The following SLC39A10 variants were observed in gnomAD, a reference collection of about 807,000 sequenced individuals.
The protein encoded by SLC39A10 is solute carrier family 39 member 10.
A neutral mutation model predicts 65.1 loss-of-function variants in SLC39A10; 13 were observed. That is an observed-to-expected ratio of 0.20 (90% CI 0.13 to 0.32). The LOEUF (loss-of-function observed/expected upper bound fraction) is 0.32. Among genes scored for constraint, SLC39A10 ranks in the 10% least tolerant of loss-of-function variants. The pLI is 1.00. For synonymous variants in SLC39A10, 321 were observed against 342.2 expected (o/e 0.94, Z 0.68); for missense variants, 831 against 1,018.4 (o/e 0.82, Z 2.50).
At chr2:195,659,914 T>A (rs6719584) in intron 1 of SLC39A10, among the ~76,000 whole-genome samples, 9,728 of 152,098 alleles carry the variant, frequency 0.064, 458 homozygotes, top group African/African-American at 0.13. Flanking sequence ...ACTGGGCCTT[T>A]GGGGGGGATA....
intron 1 of SLC39A10, among the ~76,000 whole-genome samples, chr2:195,678,717 C>T (rs1045929382): frequency 2.6e-5 from 4 of 151,816 alleles, no homozygotes; most frequent in East Asian, 1.9e-4. Flanking sequence ...AGTAGCCACA[C>T]GTCTGTTGAG....
At chr2:195,625,188 G>T (rs114745436) in intron 2 of SLC39A10, among the ~76,000 whole-genome samples, 2,262 of 144,418 alleles carry the variant, frequency 0.016, 68 homozygotes, top group African/African-American at 0.055. Flanking sequence ...TTGCACTCCA[G>T]CCTGTGCGAC....
chr2:195,643,338 G>C (rs1023541594), intron 2 of SLC39A10, among the ~76,000 whole-genome samples: 1 of 152,060 alleles, frequency 6.6e-6, no homozygotes. Flanking sequence ...GGAGAGAGAA[G>C]GCAGAGTGCA....
chr2:195,680,769 A>G lies in SLC39A10; in HGVS notation c.727A>G (p.Asn243Asp). ...GAAAAAAGGGAGGAAAAGTAATGAAAATTCTGAGGTTATTACACCAGGTTT... is the reference window on the plus strand; with the variant it reads ...GAAAAAAGGGAGGAAAAGTAATGAAGATTCTGAGGTTATTACACCAGGTTT... ...RKKKGRKSNE[N>D]SEVITPGFPP... is the part of the protein sequence containing the mutation. Residue 243 changes from asparagine (N) to aspartate (D), a missense_variant, in exon 2 of 10, where the codon AAT becomes GAT. Physicochemically the swap from Asn to Asp is conservative, Grantham distance 23. Transcript: ENST00000359634. 1.2e-6 allele frequency: 2 copies of G among 1,614,134 alleles called. No individual in the cohort carries two copies. Among genetic ancestry groups the G allele is most frequent in the Admixed American group, 1.7e-5 (1 of 60,024 alleles).
chr2:195,651,806 A>G (rs969115592), upstream of SLC39A10, among the ~76,000 whole-genome samples: 5 of 152,150 alleles, frequency 3.3e-5, no homozygotes, highest in African/African-American at 1.2e-4. Context: ...CTGTTCTGGT[A>G]CTTAATATCC....
chr2:195,629,409 A>AG lies in SLC39A10; in HGVS notation c.-12+23176_-12+23177insG, dbSNP rs1179845252. Among the ~76,000 whole-genome samples the AG allele has an allele frequency of 2.0e-5, 3 of 151,652 alleles. No individual in the cohort carries two copies. In the East Asian group the frequency reaches 5.8e-4, roughly 29 times the overall value. ...ATTCCTTTCAAAAAAAAAAAAAAAAAAGAGTTATCCTTGACCTTCAACCCA... is the reference window on the plus strand; with the variant it reads ...ATTCCTTTCAAAAAAAAAAAAAAAAAGAGAGTTATCCTTGACCTTCAACCCA... On this transcript the variant is annotated intron_variant, in intron 2 of 2. Coordinates refer to the SLC39A10 transcript ENST00000458054.
intron 3 of SLC39A10, among the ~76,000 whole-genome samples, chr2:195,701,678 T>TTTTTTTG (rs1488358899): frequency 6.6e-6 from 1 of 151,862 alleles, no homozygotes; most frequent in Non-Finnish European, 1.5e-5. Context: ...TTTCACAGGT[T>TTTTTTTG]TTTTTTGTTT....
intron 2 of SLC39A10, among the ~76,000 whole-genome samples, chr2:195,649,228 G>A (rs139238939): frequency 1.3e-5 from 2 of 152,300 alleles, no homozygotes; most frequent in African/African-American, 4.8e-5. Flanking sequence ...TGTGAAAGTG[G>A]CTTATTGTAT....
chr2:195,696,441 A>G (rs1233443180), intron 3 of SLC39A10, among the ~76,000 whole-genome samples: 2 of 152,122 alleles, frequency 1.3e-5, no homozygotes, highest in Non-Finnish European at 2.9e-5. Flanking sequence ...TGAGTTCTGC[A>G]TGTGCAGATT....
At chr2:195,684,744 T>TG (rs1361821533) in intron 3 of SLC39A10, among the ~76,000 whole-genome samples, 1 of 152,142 alleles carries the variant, frequency 6.6e-6, no homozygotes, top group Non-Finnish European at 1.5e-5. Flanking sequence ...GTTATTGGAT[T>TG]GTTGAAATAA....
intron 2 of SLC39A10, among the ~76,000 whole-genome samples, chr2:195,650,100 A>G (rs372846405): frequency 6.6e-5 from 10 of 152,172 alleles, no homozygotes; most frequent in African/African-American, 1.2e-4. Context: ...GTGTAATTGT[A>G]GGAATTGGCA....
chr2:195,624,420 G>T (rs1351440155), intron 2 of SLC39A10, among the ~76,000 whole-genome samples: 2 of 146,290 alleles, frequency 1.4e-5, no homozygotes, highest in Non-Finnish European at 3.0e-5. Context: ...AAGGAAGAAG[G>T]CCTAAAAACA....
chr2:195,678,718 G>A (rs141864819), intron 1 of SLC39A10, among the ~76,000 whole-genome samples: 1,966 of 151,946 alleles, frequency 0.013, 43 homozygotes, highest in African/African-American at 0.044. Context: ...GTAGCCACAC[G>A]TCTGTTGAGC....
chr2:195,719,033 C>G (rs1345265086), intron 8 of SLC39A10, among the ~76,000 whole-genome samples: 6 of 151,512 alleles, frequency 4.0e-5, no homozygotes. Flanking sequence ...AAAAAATAAT[C>G]TTTAAAAACC....
intron 2 of SLC39A10, among the ~76,000 whole-genome samples, chr2:195,620,968 A>G (rs896383064): frequency 6.6e-6 from 1 of 152,198 alleles, no homozygotes; most frequent in Non-Finnish European, 1.5e-5. Flanking sequence ...CTGGTATCTC[A>G]GAGATCAATG....
intron 3 of SLC39A10, among the ~76,000 whole-genome samples, chr2:195,700,800 G>C (rs1691147429): frequency 6.6e-6 from 1 of 152,032 alleles, no homozygotes; most frequent in East Asian, 1.9e-4. Context: ...CTTATTGAGA[G>C]CTTCTTATAT....
At chr2:195,718,225 A>G (rs1332822340) in intron 7 of SLC39A10, 27 bp from the exon 8 acceptor site, 1 of 1,583,108 alleles carries the variant, frequency 6.3e-7, no homozygotes, top group African/African-American at 1.3e-5. Context: ...AGCAAACCTC[A>G]CTTGTTTTTT....
chr2:195,617,185 T>G (rs929210999), intron 2 of SLC39A10, among the ~76,000 whole-genome samples: 4 of 152,230 alleles, frequency 2.6e-5, no homozygotes, highest in Admixed American at 6.5e-5. Flanking sequence ...CATATATATT[T>G]CATATATGAT....
chr2:195,632,597 C>G (rs1296351480), intron 2 of SLC39A10, among the ~76,000 whole-genome samples: 1 of 152,128 alleles, frequency 6.6e-6, no homozygotes, highest in Non-Finnish European at 1.5e-5. Flanking sequence ...CATGAGCCAC[C>G]ACACCTGGCT....
Sources: gnomAD v4.1 joint callset for allele counts (sites outside exome capture counted in the v4.1 genomes callset) on GRCh38, gnomAD v4.1.1 for gene constraint, MANE v1.5 for transcripts, NCBI Gene and HGNC (gene_info 2026-07-23, HGNC 2026-07-21) for gene names.